Variants in DIAPH3 observed in about 807,000 individuals in gnomAD.
The protein encoded by DIAPH3 is protein diaphanous homolog 3.
Under a neutral mutation model 144.3 loss-of-function variants are expected in DIAPH3, and 117 were observed. The ratio of observed to expected loss-of-function variants is 0.81; its 90% CI spans 0.70 to 0.95. The LOEUF (loss-of-function observed/expected upper bound fraction) is 0.95. Ranked by LOEUF, DIAPH3 falls within the 40% of genes least tolerant of loss-of-function variation. The pLI is 0.00. For synonymous variants in DIAPH3, 519 were observed against 488.9 expected (o/e 1.06, Z -0.81); for missense variants, 1,421 against 1,412.7 (o/e 1.01, Z -0.09).
intron 25 of DIAPH3, among the ~76,000 whole-genome samples, chr13:59,789,069 T>A (rs2039190883): frequency 6.6e-6 from 1 of 152,202 alleles, no homozygotes. Flanking sequence ...GTCGACCTTG[T>A]GTGTTATGTA....
rs746019091 is a variant in DIAPH3, at chr13:59,833,147, T to G, written c.2987A>C (p.Asp996Ala). Residue 996 changes from aspartate (D) to alanine (A), a missense_variant, in exon 24 of 28, where the codon GAC (aspartate) becomes GCC (alanine). Physicochemically the swap from Asp to Ala is moderately radical, Grantham distance 126. Coordinates refer to ENST00000400324, the MANE Select transcript of DIAPH3 (RefSeq NM_001042517.2). ...GAAGTTATTCAGGTCAGTAAGAAAGTCTTCCACAGACACCTTCTTCACATC... is the reference window on the plus strand; with the variant it reads ...GAAGTTATTCAGGTCAGTAAGAAAGGCTTCCACAGACACCTTCTTCACATC... ...AIDVKKVSVE[D>A]FLTDLNNFRT... The G allele has an allele frequency of 1.2e-6, 2 of 1,610,804 alleles. No homozygotes were observed. The highest frequency in any genetic ancestry group is 1.7e-5 in the Admixed American group (1 of 59,736).
intron 4 of DIAPH3, among the ~76,000 whole-genome samples, chr13:60,064,989 G>A (rs886554995): frequency 7.2e-5 from 11 of 152,110 alleles, no homozygotes; most frequent in African/African-American, 2.7e-4. Flanking sequence ...CTGGTCAATG[G>A]AGCAGTCACA....
chr13:60,129,645 C>T (rs1457648440), intron 2 of DIAPH3, among the ~76,000 whole-genome samples: 4 of 152,058 alleles, frequency 2.6e-5, no homozygotes, highest in African/African-American at 9.7e-5. Flanking sequence ...TCTTATATGC[C>T]TCTCTCAAGT....
At chr13:59,873,043 T>C (rs1230621808) in intron 21 of DIAPH3, among the ~76,000 whole-genome samples, 1 of 152,236 alleles carries the variant, frequency 6.6e-6, no homozygotes, top group Non-Finnish European at 1.5e-5. Context: ...CAATTAAATA[T>C]TTCTTAGAAA....
intron 25 of DIAPH3, among the ~76,000 whole-genome samples, chr13:59,778,233 A>G (rs1334549577): frequency 6.6e-6 from 1 of 152,188 alleles, no homozygotes; most frequent in African/African-American, 2.4e-5. Context: ...CCCATGTGGC[A>G]TAAACTAGGT....
At chr13:59,958,111 T>A (rs2049514023) in intron 17 of DIAPH3, among the ~76,000 whole-genome samples, 1 of 152,210 alleles carries the variant, frequency 6.6e-6, no homozygotes, top group Non-Finnish European at 1.5e-5. Context: ...ATAGATCTTT[T>A]GATAAATGTG....
chr13:60,003,643 G>A lies in DIAPH3; in HGVS notation c.1014+4901C>T, dbSNP rs193047704. 4.0e-3 allele frequency among the ~76,000 whole-genome samples: 600 copies of A among 151,706 alleles called. 4 individuals are homozygous for A. The highest frequency in any genetic ancestry group is 0.014 in the African/African-American group (573 of 41,390). ...GGCTGGAGTGCAGTGGCGCGATCTC[G>A]GCTCACTGCAAGCACCGCCTCCTGG... On this transcript the variant is annotated intron_variant, in intron 9 of 27. Coordinates refer to ENST00000400324, the MANE Select transcript of DIAPH3 (RefSeq NM_001042517.2).
chr13:59,845,637 C>G (rs546728064), intron 22 of DIAPH3, among the ~76,000 whole-genome samples: 1 of 152,154 alleles, frequency 6.6e-6, no homozygotes, highest in Admixed American at 6.5e-5. Context: ...CTAATCTGTA[C>G]CTGATCCTGG....
intron 1 of DIAPH3, among the ~76,000 whole-genome samples, chr13:60,154,965 A>T (rs1242459955): frequency 6.6e-6 from 1 of 152,216 alleles, no homozygotes; most frequent in African/African-American, 2.4e-5. Flanking sequence ...AACAAGTTAG[A>T]CACATGTTAA....
chr13:59,728,987 C>A (rs2035741798), intron 27 of DIAPH3, among the ~76,000 whole-genome samples: 1 of 151,826 alleles, frequency 6.6e-6, no homozygotes, highest in African/African-American at 2.4e-5. Flanking sequence ...CTCCTAGCTA[C>A]TGGGAGCTGA....
At chr13:59,837,016 G>A (rs766873883) in intron 23 of DIAPH3, among the ~76,000 whole-genome samples, 12 of 151,942 alleles carry the variant, frequency 7.9e-5, no homozygotes, top group Middle Eastern at 3.4e-3. Context: ...ACAAAGACTC[G>A]CAATGAATGA....
rs983136506 is a variant in DIAPH3 at position 59,666,782 on chromosome 13, T to C, written c.3384A>G (p.Thr1128=). The C allele has an allele frequency of 1.1e-5, 17 of 1,614,044 alleles. No homozygotes were observed. The highest frequency in any genetic ancestry group is 1.4e-5 in the Non-Finnish European group (16 of 1,180,018). ...RSHYNINCNS[T]RTPVAKELNY... is the part of the protein sequence containing the mutation. ...TAAGCTCCTTGGCGACTGGAGTCCT[T>C]GTTGAGTTGCAATTGATATTGTAGT... The change falls in exon 28 of 28, where the codon ACA becomes ACG. Residue 1128 remains threonine (T), a synonymous_variant. Coordinates refer to ENST00000400324, the MANE Select transcript of DIAPH3 (RefSeq NM_001042517.2).
intron 27 of DIAPH3, among the ~76,000 whole-genome samples, chr13:59,704,430 C>T (rs342594): frequency 0.55 from 84,115 of 152,034 alleles, 24,665 homozygotes; most frequent in East Asian, 0.68. Context: ...ATTCTAGTTG[C>T]TCTTGGCAGG....
chr13:60,102,048 C>T (rs892614503), intron 3 of DIAPH3, among the ~76,000 whole-genome samples: 4 of 152,142 alleles, frequency 2.6e-5, no homozygotes, highest in Non-Finnish European at 4.4e-5. Context: ...TTTCAATTCC[C>T]TATATGAAAA....
intron 27 of DIAPH3, among the ~76,000 whole-genome samples, chr13:59,694,130 A>C (rs771954985): frequency 2.0e-5 from 3 of 152,196 alleles, no homozygotes; most frequent in Admixed American, 1.3e-4. Flanking sequence ...AAATATTAAG[A>C]ACCAATAGTT....
At chr13:60,163,452 T>G in intron 1 of DIAPH3, 135 bp downstream of exon 1, 887 of 1,176,136 alleles carry the variant, frequency 7.5e-4, no homozygotes, top group East Asian at 1.6e-3. Flanking sequence ...ACCCGGTCGT[T>G]GTCAATCTAT....
chr13:59,700,121 T>C (rs1265026403), intron 27 of DIAPH3, among the ~76,000 whole-genome samples: 1 of 152,198 alleles, frequency 6.6e-6, no homozygotes. Flanking sequence ...TTCCCCATTT[T>C]AGTTAGCGTT....
chr13:59,823,609 A>T (rs2041199004), intron 24 of DIAPH3, among the ~76,000 whole-genome samples: 1 of 152,184 alleles, frequency 6.6e-6, no homozygotes, highest in South Asian at 2.1e-4. Flanking sequence ...GGACTTGTAC[A>T]TGATTTTCCT....
At chr13:60,093,588 C>G (rs922727506) in intron 4 of DIAPH3, 40 bp downstream of exon 4, 2 of 1,360,244 alleles carry the variant, frequency 1.5e-6, no homozygotes, top group African/African-American at 1.4e-5. Context: ...CATGTTAAAA[C>G]ATGTTCGGCA....
Sources: allele counts gnomAD v4.1 joint callset (sites outside exome capture counted in the v4.1 genomes callset), GRCh38; gene constraint gnomAD v4.1.1; transcripts MANE v1.5; gene names NCBI Gene and HGNC (gene_info 2026-07-23, HGNC 2026-07-21).